CATSPERD: variants seen among roughly 807,000 people sequenced by gnomAD.
CATSPERD encodes the protein cation channel sperm-associated auxiliary subunit delta.
A neutral mutation model predicts 98.1 loss-of-function variants in CATSPERD; 86 were observed. The ratio of observed to expected loss-of-function variants is 0.88; its 90% confidence interval spans 0.74 to 1.05. The LOEUF (loss-of-function observed/expected upper bound fraction) is 1.05, where lower values mean the gene tolerates loss of function less well. Ranked by LOEUF, CATSPERD falls within the 50% of genes least tolerant of loss-of-function variation. The pLI is 0.00. For missense variants in CATSPERD, 995 were observed against 1,005.7 expected, an observed-to-expected ratio of 0.99 and a Z score of 0.14; for synonymous variants, 394 against 390.2, an observed-to-expected ratio of 1.01 and a Z score of -0.12.
rs553233604 is a variant in CATSPERD at position 5,776,239 on chromosome 19, C to A, written c.2020C>A (p.Arg674=). The A allele has an allele frequency of 3.1e-6, 5 of 1,614,052 alleles. No individual in the cohort carries two copies. In the Middle Eastern group the frequency reaches 6.6e-4, roughly 212 times the overall value. The change falls in exon 21 of 22, where the codon CGG becomes AGG. Residue 674 remains arginine (R), a synonymous_variant. Transcript: ENST00000381624. ...CGTCCAGTATCAGATCTTGGGCGGC[C>A]GGACAGCAAACCAGATCATTTTCGG... The part of the protein sequence containing the change: ...PDVQYQILGG[R]TANQIIFGHN...
chr19:5,741,785 C>CCG (rs939602468), intron 7 of CATSPERD, among the ~76,000 whole-genome samples: 8 of 6,114 alleles, frequency 1.3e-3, no homozygotes, highest in East Asian at 0.011. Flanking sequence ...ATGCTGAAGG[C>CCG]GGGGGGGGGG....
chr19:5,763,075 T>G (rs1599578571), intron 15 of CATSPERD, 140 bp from the exon 16 acceptor site: 1 of 634,832 alleles, frequency 1.6e-6, no homozygotes. Flanking sequence ...GATGGGTGGG[T>G]GGAATGAATG....
At chr19:5,750,450 C>CAAAA (rs60496454) in intron 11 of CATSPERD, among the ~76,000 whole-genome samples, 1,107 of 48,462 alleles carry the variant, frequency 0.023, 60 homozygotes, top group Non-Finnish European at 0.033. Context: ...GACTCTGTCT[C>CAAAA]AAAAAAAAAA....
In CATSPERD at chr19:5,770,959, C is replaced by T. The variant is rs201916663; in HGVS notation, c.1650C>T (p.Pro550=). 1.1e-4 allele frequency: 181 copies of T among 1,610,336 alleles called. 1 individual carries two copies. The East Asian group carries it at 2.5e-3, about 23-fold the overall frequency. ...SFIIEKEFYD[P]GFQGQQSSED... Reference sequence around the variant, plus strand: ...TGTCTTGAAGGGAATTCTACGACCCCGGCTTCCAGGGGCAGCAGTCCTCCG... The same window carrying T: ...TGTCTTGAAGGGAATTCTACGACCCTGGCTTCCAGGGGCAGCAGTCCTCCG... The change falls in exon 19 of 22, where the codon CCC becomes CCT. Residue 550 remains proline, a synonymous_variant. Coordinates refer to ENST00000381624, the MANE Select transcript of CATSPERD (RefSeq NM_152784.4).
chr19:5,768,735 G>A (rs1203269193), intron 18 of CATSPERD, among the ~76,000 whole-genome samples: 1 of 152,166 alleles, frequency 6.6e-6, no homozygotes, highest in East Asian at 1.9e-4. Flanking sequence ...CTGGGCTCAA[G>A]TGATCCTCTT....
intron 5 of CATSPERD, among the ~76,000 whole-genome samples, chr19:5,735,721 C>T (rs562661988): frequency 4.2e-4 from 64 of 151,912 alleles, no homozygotes; most frequent in Non-Finnish European, 7.1e-4. Context: ...GATCCTGTCA[C>T]CTCGGCCTCC....
In CATSPERD at chr19:5,759,259, G is replaced by A. The variant is rs115853561; in HGVS notation, c.1427+115G>A. 492 of 994,300 alleles carry A rather than the reference G, an allele frequency of 4.9e-4. 3 individuals are homozygous for A. The African/African-American group carries it at 7.3e-3, about 15-fold the overall frequency. The allele number at this position is 994,300 out of a possible 1,614,324, so 61.6% of individuals were successfully genotyped here. On this transcript the variant is annotated intron_variant, in intron 15 of 21. Transcript: ENST00000381624. The stretch of plus-strand genomic sequence containing the variant: ...CCCAGCTCCAGAACAGTAAAACAAG[G>A]CGATTACAACACTTTACAAGAGCTG...
At chr19:5,728,785 G>A (rs913903094) in intron 3 of CATSPERD, among the ~76,000 whole-genome samples, 6 of 149,248 alleles carry the variant, frequency 4.0e-5, no homozygotes, top group Non-Finnish European at 8.9e-5. Flanking sequence ...TGCAACCTCC[G>A]CCTCCTGGGT....
At position 5,772,847 on chromosome 19, in the gene CATSPERD, A is replaced by G. The variant is rs2056675322; in HGVS notation, c.1823A>G (p.Asn608Ser). ...GCCGAGTATGTGTTACTGGAGGTGA[A>G]CGGGCAGTTCTCATACTCCTATTCC... ...IDAEYVLLEV[N>S]GQFSYSYSLT... The change falls in exon 20 of 22, where the codon AAC becomes AGC. Residue 608 changes from asparagine to serine, a missense_variant. Physicochemically the swap from Asn to Ser is conservative, Grantham distance 46. This residue lies in a region of CATSPERD where 762 missense variants were observed against 773.7 expected (regional missense o/e 0.98). Transcript: ENST00000381624. The G allele has an allele frequency of 6.2e-7, 1 of 1,613,940 alleles. No homozygotes were observed. The highest frequency in any genetic ancestry group is 8.5e-7 in the Non-Finnish European group (1 of 1,179,994).
At chr19:5,723,359 A>G (rs2055537014) in intron 1 of CATSPERD, among the ~76,000 whole-genome samples, 1 of 148,918 alleles carries the variant, frequency 6.7e-6, no homozygotes, top group East Asian at 2.0e-4. Context: ...AGCTCAACTC[A>G]CTGCAACCTC....
chr19:5,738,509 C>T (rs2055893446), intron 6 of CATSPERD, among the ~76,000 whole-genome samples: 1 of 151,946 alleles, frequency 6.6e-6, no homozygotes, highest in Non-Finnish European at 1.5e-5. Context: ...TCGGCTGGGG[C>T]AATAGAGCCA....
Position 5,754,777 on chromosome 19 carries a change from G to A in CATSPERD, c.1278+532G>A, listed in dbSNP as rs796596106. On this transcript the variant is annotated intron_variant, in intron 13 of 21. Coordinates refer to ENST00000381624, the MANE Select transcript of CATSPERD (RefSeq NM_152784.4). ...CTGTGGCTGTCCAGCTGGCCGCCTGGCCGCCCTTGTGCTGTCTCTGTGCCT... is the reference window on the plus strand; with the variant it reads ...CTGTGGCTGTCCAGCTGGCCGCCTGACCGCCCTTGTGCTGTCTCTGTGCCT... Among the ~76,000 whole-genome samples, 7 of 151,954 alleles carry A rather than the reference G, an allele frequency of 4.6e-5. 1 individual carries two copies. The highest frequency in any genetic ancestry group is 1.4e-4 in the African/African-American group (6 of 41,478).
chr19:5,769,900 C>T (rs1395055649), intron 18 of CATSPERD, among the ~76,000 whole-genome samples: 2 of 151,444 alleles, frequency 1.3e-5, no homozygotes, highest in Non-Finnish European at 2.9e-5. Context: ...AGCAGTCTGG[C>T]CAACATGGTG....
At chr19:5,767,300 G>C (rs979332944) in intron 17 of CATSPERD, among the ~76,000 whole-genome samples, 2 of 108,604 alleles carry the variant, frequency 1.8e-5, no homozygotes, top group African/African-American at 6.8e-5. Flanking sequence ...CTGGTTGACA[G>C]AGCGAGACTC....
intron 4 of CATSPERD, among the ~76,000 whole-genome samples, 165 bp downstream of exon 4, chr19:5,730,109 T>C (rs749043486): frequency 6.6e-6 from 1 of 152,192 alleles, no homozygotes; most frequent in Non-Finnish European, 1.5e-5. Flanking sequence ...AAAGAAGGGC[T>C]GGTTTTATTC....
intron 16 of CATSPERD, among the ~76,000 whole-genome samples, chr19:5,765,405 TATTCATTCATTCATTCATTCATTCATTC>T (rs71172767): frequency 1.3e-4 from 19 of 141,088 alleles, no homozygotes; most frequent in African/African-American, 2.4e-4. Flanking sequence ...GCCATTGATT[TATTCATTCATTCATTCATTCATTCATTC>T]ATTCATTCAT....
chr19:5,759,058 C>T (rs761710672), intron 14 of CATSPERD, 28 bp from the exon 15 acceptor site: 3 of 1,607,762 alleles, frequency 1.9e-6, no homozygotes, highest in Admixed American at 1.7e-5. Context: ...CACGGATACA[C>T]TTGGGATTTT....
At chr19:5,767,510 C>T (rs938672595) in intron 17 of CATSPERD, among the ~76,000 whole-genome samples, 28 of 149,920 alleles carry the variant, frequency 1.9e-4, no homozygotes, top group African/African-American at 6.6e-4. Flanking sequence ...ATTATTGAGA[C>T]GGAGTCTTGC....
chr19:5,736,058 T>C (rs2055839227), intron 5 of CATSPERD, among the ~76,000 whole-genome samples: 1 of 152,054 alleles, frequency 6.6e-6, no homozygotes, highest in African/African-American at 2.4e-5. Context: ...ATTACAGGCA[T>C]AAGCCACTGT....
Sources: gnomAD v4.1 joint callset for allele counts (sites outside exome capture counted in the v4.1 genomes callset) on GRCh38, gnomAD v4.1.1 for gene constraint, gnomAD v4.1.1 regional missense constraint, MANE v1.5 for transcripts, NCBI Gene and HGNC (gene_info 2026-07-23, HGNC 2026-07-21) for gene names.